AUTS2: variants seen among roughly 807,000 people sequenced by gnomAD.
AUTS2 encodes autism susceptibility gene 2 protein.
A neutral mutation model predicts 112.4 loss-of-function variants in AUTS2; 17 were observed. The observed-to-expected ratio is 0.15, with a 90% CI of 0.10 to 0.23. The LOEUF is 0.23. AUTS2 is among the 10% of genes least tolerant of loss of function. The pLI is 1.00. For missense variants in AUTS2, 1,510 were observed against 1,701.6 expected (o/e 0.89, Z 1.98); for synonymous variants, 751 against 702.7 (o/e 1.07, Z -1.09).
intron 4 of AUTS2, among the ~76,000 whole-genome samples, chr7:70,259,636 C>A (rs1296938133): frequency 6.6e-6 from 1 of 152,210 alleles, no homozygotes; most frequent in African/African-American, 2.4e-5. Flanking sequence ...GTGCCAGTCA[C>A]CCTTGGCATA....
chr7:70,254,290 A>G (rs942158641), intron 4 of AUTS2, among the ~76,000 whole-genome samples: 1 of 152,232 alleles, frequency 6.6e-6, no homozygotes, highest in Non-Finnish European at 1.5e-5. Context: ...TAAAATATAA[A>G]GTATAATCAT....
chr7:70,065,968 T>C (rs181595022), intron 2 of AUTS2, among the ~76,000 whole-genome samples: 192 of 152,242 alleles, frequency 1.3e-3, no homozygotes, highest in African/African-American at 4.1e-3. Context: ...TCAGCCTCCT[T>C]CTCAGGTAGC....
At chr7:70,156,098 T>C (rs907156976) in intron 4 of AUTS2, among the ~76,000 whole-genome samples, 7 of 152,330 alleles carry the variant, frequency 4.6e-5, no homozygotes, top group African/African-American at 1.2e-4. Flanking sequence ...TACAAAAGAA[T>C]GAACACAAGT....
chr7:69,691,208 C>T (rs1584079915), intron 1 of AUTS2, among the ~76,000 whole-genome samples: 1 of 152,264 alleles, frequency 6.6e-6, no homozygotes, highest in East Asian at 1.9e-4. Flanking sequence ...ACCGTAAGTT[C>T]TTATTCCAAG....
intron 5 of AUTS2, among the ~76,000 whole-genome samples, chr7:70,579,347 G>T (rs149773178): frequency 6.7e-6 from 1 of 150,278 alleles, no homozygotes; most frequent in East Asian, 2.0e-4. Flanking sequence ...CACTTTAACA[G>T]ACTTAATCCT....
At chr7:70,691,685 G>A (rs529077366) in intron 5 of AUTS2, among the ~76,000 whole-genome samples, 1 of 152,220 alleles carries the variant, frequency 6.6e-6, no homozygotes, top group African/African-American at 2.4e-5. Context: ...GTCACAGTGG[G>A]TGGTGTTCTG....
At chr7:70,391,671 A>G (rs1397997803) in intron 4 of AUTS2, among the ~76,000 whole-genome samples, 2 of 152,074 alleles carry the variant, frequency 1.3e-5, no homozygotes, top group South Asian at 4.1e-4. Flanking sequence ...AATGCTAAAA[A>G]ATAATAACAA....
At chr7:70,652,910 GAT>G (rs963987667) in intron 5 of AUTS2, among the ~76,000 whole-genome samples, 12 of 151,954 alleles carry the variant, frequency 7.9e-5, no homozygotes, top group African/African-American at 2.9e-4. Flanking sequence ...ACTCTTTCCT[GAT>G]ATCGTTTATA....
chr7:70,789,089 T>G (rs1174027246), intron 18 of AUTS2, among the ~76,000 whole-genome samples: 1 of 152,210 alleles, frequency 6.6e-6, no homozygotes, highest in Non-Finnish European at 1.5e-5. Context: ...CTCATCAGAC[T>G]TTGGCTTTCT....
intron 5 of AUTS2, among the ~76,000 whole-genome samples, chr7:70,509,598 T>A (rs1260261564): frequency 6.6e-6 from 1 of 152,200 alleles, no homozygotes; most frequent in Non-Finnish European, 1.5e-5. Flanking sequence ...GCCCACGGTA[T>A]AAGCCTACTG....
chr7:70,457,952 G>A (rs1010114478), intron 5 of AUTS2, among the ~76,000 whole-genome samples: 3 of 152,162 alleles, frequency 2.0e-5, no homozygotes, highest in Non-Finnish European at 4.4e-5. Flanking sequence ...TCCTCCTCTC[G>A]GTTTCTAAGG....
At chr7:70,095,837 TGTTTA>T (rs923202396) in intron 2 of AUTS2, among the ~76,000 whole-genome samples, 4 of 152,210 alleles carry the variant, frequency 2.6e-5, no homozygotes, top group African/African-American at 9.7e-5. Flanking sequence ...AAACTGGCCA[TGTTTA>T]GTTATGGTAT....
chr7:70,658,424 C>T (rs903642729), intron 5 of AUTS2, among the ~76,000 whole-genome samples: 3 of 152,242 alleles, frequency 2.0e-5, no homozygotes, highest in Non-Finnish European at 4.4e-5. Flanking sequence ...CTGCCACCTA[C>T]GAGAGCCTTT....
chr7:69,995,248 A>C (rs1007425782), intron 2 of AUTS2, among the ~76,000 whole-genome samples: 1 of 152,128 alleles, frequency 6.6e-6, no homozygotes, highest in Non-Finnish European at 1.5e-5. Context: ...CTCTCTCCCC[A>C]TCTAAATTTT....
chr7:70,162,354 G>A (rs1808126107), intron 4 of AUTS2, among the ~76,000 whole-genome samples: 1 of 143,636 alleles, frequency 7.0e-6, no homozygotes, highest in Non-Finnish European at 1.5e-5. Flanking sequence ...GCTGAGGCAG[G>A]AGAATGGCAT....
chr7:70,516,130 T>G (rs1799407226), intron 5 of AUTS2, among the ~76,000 whole-genome samples: 1 of 152,244 alleles, frequency 6.6e-6, no homozygotes, highest in Non-Finnish European at 1.5e-5. Flanking sequence ...TAACTGATTC[T>G]TGTAGCAGAA....
At chr7:69,634,659 G>A (rs1794434051) in intron 1 of AUTS2, among the ~76,000 whole-genome samples, 1 of 152,218 alleles carries the variant, frequency 6.6e-6, no homozygotes, top group Non-Finnish European at 1.5e-5. Flanking sequence ...AGTGGTTACA[G>A]GAGGTGGCTT....
chr7:70,578,755 T>A (rs1802289368), intron 5 of AUTS2, among the ~76,000 whole-genome samples: 1 of 151,926 alleles, frequency 6.6e-6, no homozygotes, highest in African/African-American at 2.4e-5. Context: ...CATGATTTGG[T>A]TTTTTTTAAT....
Position 70,790,636 on chromosome 7 carries a change from G to A in AUTS2, c.3420G>A (p.Arg1140=), listed in dbSNP as rs751204708. The A allele has an allele frequency of 6.2e-7, 1 of 1,612,222 alleles. No homozygotes were observed. Among genetic ancestry groups the A allele is most frequent in the Non-Finnish European group, 8.5e-7 (1 of 1,179,548 alleles). ...HHHHPLSVDP[R]REHERGGHLD... ...ACCACCCGCTGTCTGTGGACCCTCG[G>A]CGGGAGCACGAGCGGGGAGGCCACC... Residue 1140 remains arginine (R), a synonymous_variant, in exon 19 of 19, where the codon CGG becomes CGA. Coordinates refer to ENST00000342771, the MANE Select transcript of AUTS2 (RefSeq NM_015570.4). The surrounding 1 kb of genome is among the most constrained non-coding windows in gnomAD (Gnocchi z 7.6).
Sources: gnomAD v4.1 joint callset for allele counts (sites outside exome capture counted in the v4.1 genomes callset) on GRCh38, gnomAD v4.1.1 for gene constraint, Gnocchi (gnomAD v3.1) non-coding constraint, MANE v1.5 for transcripts, NCBI Gene and HGNC (gene_info 2026-07-23, HGNC 2026-07-21) for gene names.